Variants in AKAP6 observed in about 807,000 individuals in gnomAD.
AKAP6 encodes A-kinase anchor protein 6.
A neutral mutation model predicts 188.5 loss-of-function variants in AKAP6; 58 were observed. The ratio of observed to expected loss-of-function variants is 0.31; its 90% CI spans 0.25 to 0.38. AKAP6 has a LOEUF of 0.38. AKAP6 is among the 10% of genes least tolerant of loss of function. The pLI, the probability that AKAP6 is intolerant of heterozygous loss-of-function variation, is 1.00. For synonymous variants in AKAP6, 989 were observed against 998.6 expected (o/e 0.99, Z 0.18); for missense variants, 2,710 against 2,740.0 (o/e 0.99, Z 0.24).
chr14:32,792,070 GT>G (rs2033628100), intron 12 of AKAP6, among the ~76,000 whole-genome samples: 1 of 152,100 alleles, frequency 6.6e-6, no homozygotes, highest in Admixed American at 6.5e-5. Context: ...CTCTAGCTTT[GT>G]TCTTTTTGCT....
At chr14:32,679,381 A>G (rs1225790370) in intron 8 of AKAP6, among the ~76,000 whole-genome samples, 1 of 152,172 alleles carries the variant, frequency 6.6e-6, no homozygotes. Context: ...TTAGACTTGT[A>G]CCAGACAGCA....
chr14:32,569,121 T>C (rs1193085161), intron 4 of AKAP6, among the ~76,000 whole-genome samples: 2 of 152,206 alleles, frequency 1.3e-5, no homozygotes, highest in Non-Finnish European at 2.9e-5. Context: ...TCCTTCTACA[T>C]GATGCTGAGT....
At position 32,779,417 on chromosome 14, in the gene AKAP6, A is replaced by AAAAC. The variant is rs1381820588; in HGVS notation, c.3588+5527_3588+5528insCAAA. On this transcript the variant is annotated intron_variant, in intron 12 of 13. Coordinates refer to ENST00000280979, the MANE Select transcript of AKAP6 (RefSeq NM_004274.5). ...AGAGTGAGACTCTGTCTCAGGACCA[A>AAAAC]AAAAAAAAAAAAAACAAAGGAAACC... Among the ~76,000 whole-genome samples, 36 of 149,748 alleles carry AAAAC rather than the reference A, an allele frequency of 2.4e-4. 1 individual carries two copies. The South Asian group carries it at 5.7e-3, about 24-fold the overall frequency.
intron 9 of AKAP6, among the ~76,000 whole-genome samples, chr14:32,703,559 A>G (rs1322677752): frequency 3.3e-5 from 5 of 152,150 alleles, no homozygotes; most frequent in Non-Finnish European, 7.4e-5. Context: ...CTAACACATA[A>G]CAGTTATGTT....
chr14:32,642,159 T>A (rs1887786146), intron 7 of AKAP6, among the ~76,000 whole-genome samples: 1 of 152,198 alleles, frequency 6.6e-6, no homozygotes, highest in South Asian at 2.1e-4. Context: ...TTCAGTGCTA[T>A]CTTGTTATTG....
intron 1 of AKAP6, among the ~76,000 whole-genome samples, chr14:32,354,700 T>G (rs1445168523): frequency 1.3e-5 from 2 of 152,250 alleles, no homozygotes; most frequent in African/African-American, 4.8e-5. Context: ...ATCAAGCTTT[T>G]TGACAGAGTG....
Position 32,404,691 on chromosome 14 carries a change from G to GATAGATAGATATATATAT in AKAP6, c.-34-28766_-34-28765insGATAGATATATATATATA. Among the ~76,000 whole-genome samples, 4 of 44,430 alleles carry GATAGATAGATATATATAT rather than the reference G, an allele frequency of 9.0e-5. 1 individual carries two copies. In the East Asian group the frequency reaches 3.2e-3, roughly 36 times the overall value. The allele number at this position is 44,430 out of a possible 152,430, so 29.1% of individuals were successfully genotyped here. A position where few individuals can be genotyped will look rare whatever the true frequency, so the allele number is the denominator to read the frequency against. ...AGAGTGGGGTTATGAGGAGTCAGGA[G>GATAGATAGATATATATAT]ATATATATATATATATATATTAGTC... On this transcript the variant is annotated intron_variant, in intron 1 of 13. Coordinates refer to ENST00000280979, the MANE Select transcript of AKAP6 (RefSeq NM_004274.5).
intron 7 of AKAP6, among the ~76,000 whole-genome samples, chr14:32,660,302 G>A (rs115962161): frequency 0.015 from 2,351 of 152,210 alleles, 58 homozygotes; most frequent in African/African-American, 0.052. Flanking sequence ...AACTTGAAGA[G>A]CAAAGTCACC....
chr14:32,663,907 A>T (rs892699507), intron 7 of AKAP6, among the ~76,000 whole-genome samples: 1 of 152,126 alleles, frequency 6.6e-6, no homozygotes, highest in Admixed American at 6.6e-5. Flanking sequence ...AAATAGTATA[A>T]TAAATGGAGC....
chr14:32,669,287 T>C (rs61650333), intron 7 of AKAP6, among the ~76,000 whole-genome samples: 18,419 of 152,192 alleles, frequency 0.12, 3,544 homozygotes, highest in African/African-American at 0.41. Flanking sequence ...TCTGATTCTG[T>C]AGAAGGAAGC....
chr14:32,710,008 A>G lies in AKAP6; in HGVS notation c.3000+13898A>G, dbSNP rs200481130. ...TGAAAGACTGCTGGTAAATCCATATATCTGAGAGGCTTTAACAAGCTCCAT... is the reference window on the plus strand; with the variant it reads ...TGAAAGACTGCTGGTAAATCCATATGTCTGAGAGGCTTTAACAAGCTCCAT... On this transcript the variant is annotated intron_variant, in intron 9 of 13. Coordinates refer to ENST00000280979, the MANE Select transcript of AKAP6 (RefSeq NM_004274.5). 1.5e-4 allele frequency among the ~76,000 whole-genome samples: 23 copies of G among 152,148 alleles called. No individual in the cohort carries two copies. In the East Asian group the frequency reaches 3.3e-3, roughly 22 times the overall value.
Position 32,836,696 on chromosome 14 carries a change from A to G in AKAP6, c.*6891A>G, listed in dbSNP as rs1345061806. ...TTTGGTACTCTATTATGGGTTACAAACCCCTTGTGACACCATATTTAAGAG... is the reference window on the plus strand; with the variant it reads ...TTTGGTACTCTATTATGGGTTACAAGCCCCTTGTGACACCATATTTAAGAG... On this transcript the variant is annotated 3_prime_UTR_variant, in exon 14 of 14. Transcript: ENST00000280979. 1 of 152,018 alleles carries G rather than the reference A, an allele frequency of 6.6e-6. No individual in the cohort carries two copies. The highest frequency in any genetic ancestry group is 2.4e-5 in the African/African-American group (1 of 41,378). 9.4% of individuals were successfully genotyped at this position (152,018 alleles called of 1,614,324 possible).
intron 1 of AKAP6, among the ~76,000 whole-genome samples, chr14:32,419,294 A>G (rs759852186): frequency 9.2e-5 from 14 of 152,192 alleles, no homozygotes; most frequent in Non-Finnish European, 1.6e-4. Context: ...AAAATCTGAC[A>G]TCAGAGTCTT....
chr14:32,332,839 C>A (rs148602735), intron 1 of AKAP6, among the ~76,000 whole-genome samples: 201 of 152,230 alleles, frequency 1.3e-3, no homozygotes, highest in Middle Eastern at 6.8e-3. Context: ...CTGTCTATCT[C>A]TGACAAAGTA....
chr14:32,575,037 C>T (rs77768394), intron 4 of AKAP6, among the ~76,000 whole-genome samples: 3,689 of 152,142 alleles, frequency 0.024, 76 homozygotes, highest in Non-Finnish European at 0.039. Flanking sequence ...TATTCTGATC[C>T]CTAGGTAGTC....
intron 9 of AKAP6, among the ~76,000 whole-genome samples, chr14:32,709,496 G>C (rs925041726): frequency 6.6e-6 from 1 of 151,972 alleles, no homozygotes; most frequent in Non-Finnish European, 1.5e-5. Context: ...TTCCAAAGTT[G>C]ATCTCTAAGA....
intron 11 of AKAP6, 52 bp downstream of exon 11, chr14:32,735,934 G>A: frequency 7.4e-7 from 1 of 1,351,040 alleles, no homozygotes; most frequent in Non-Finnish European, 1.0e-6. Flanking sequence ...TGGTAGGGAT[G>A]AAATATTTAT....
At chr14:32,643,336 C>A (rs1388413499) in intron 7 of AKAP6, among the ~76,000 whole-genome samples, 1 of 151,448 alleles carries the variant, frequency 6.6e-6, no homozygotes, top group Non-Finnish European at 1.5e-5. Flanking sequence ...TAGACGGAGT[C>A]TCACTCTGTC....
chr14:32,394,255 G>A (rs773288281), intron 1 of AKAP6, among the ~76,000 whole-genome samples: 8 of 152,106 alleles, frequency 5.3e-5, no homozygotes, highest in Middle Eastern at 3.2e-3. Flanking sequence ...AAAATTGATT[G>A]AACATCCATG....
Sources: gnomAD v4.1 joint callset for allele counts (sites outside exome capture counted in the v4.1 genomes callset) on GRCh38, gnomAD v4.1.1 for gene constraint, MANE v1.5 for transcripts, NCBI Gene and HGNC (gene_info 2026-07-23, HGNC 2026-07-21) for gene names.